FANCB: variants seen among roughly 807,000 people sequenced by gnomAD.
The protein encoded by FANCB is Fanconi anemia group B protein.
A neutral mutation model predicts 38.9 loss-of-function variants in FANCB; 5 were observed. The ratio of observed to expected loss-of-function variants is 0.13; its 90% confidence interval spans 0.07 to 0.27. FANCB has a LOEUF of 0.27. Among genes scored for constraint, FANCB ranks in the 10% least tolerant of loss-of-function variants. The pLI, the probability that FANCB is intolerant of heterozygous loss-of-function variation, is 1.00. For missense variants in FANCB, 573 were observed against 602.7 expected, an observed-to-expected ratio of 0.95 and a Z score of 0.52; for synonymous variants, 236 against 215.4, an observed-to-expected ratio of 1.10 and a Z score of -0.84.
At chrX:14,813,925 A>G in the FANCB span, among the ~76,000 whole-genome samples, 2 of 111,901 alleles carry the variant, frequency 1.8e-5, no homozygotes, top group African/African-American at 6.5e-5. Context: ...ACTTCAAACT[A>G]TACCACAAGG....
chrX:14,824,951 A>G, the FANCB span, among the ~76,000 whole-genome samples: 2 of 112,200 alleles, frequency 1.8e-5, no homozygotes, highest in Admixed American at 1.9e-4. Flanking sequence ...TTTGTCTGAA[A>G]ATGTCTTTAT....
rs1173320448 is a variant in FANCB, at chrX:14,849,756, C to T, written c.1496+749G>A. On this transcript the variant is annotated intron_variant, in intron 7 of 9. Transcript: ENST00000650831. ...CTGTATGCTGTTTGATTATCTTCAC[C>T]GTGAGACTATAGCATCTTAATTTCA... Among the ~76,000 whole-genome samples the T allele has an allele frequency of 2.7e-5, 3 of 111,648 alleles. No homozygotes were observed. The East Asian group carries it at 8.4e-4, about 31-fold the overall frequency.
chrX:14,784,829 A>T, the FANCB span, among the ~76,000 whole-genome samples: 1 of 112,512 alleles, frequency 8.9e-6, no homozygotes. Context: ...AATACTATGC[A>T]GCCATATAAA....
At chrX:14,769,893 C>T in the FANCB span, among the ~76,000 whole-genome samples, 15 of 112,113 alleles carry the variant, frequency 1.3e-4, no homozygotes, top group Admixed American at 8.5e-4. Flanking sequence ...TTGATTTCTG[C>T]GTTAATTTCA....
the FANCB span, among the ~76,000 whole-genome samples, chrX:14,782,917 T>C: frequency 9.0e-6 from 1 of 111,480 alleles, no homozygotes; most frequent in Non-Finnish European, 1.9e-5. Flanking sequence ...ATGACCATGC[T>C]GCTGGTTTGC....
At chrX:14,872,059 A>G (rs980122407) in intron 1 of FANCB, among the ~76,000 whole-genome samples, 1 of 112,000 alleles carries the variant, frequency 8.9e-6, no homozygotes, top group Non-Finnish European at 1.9e-5. Flanking sequence ...GTAAAACTGT[A>G]AACATTTCAT....
At chrX:14,698,442 G>A in the FANCB span, among the ~76,000 whole-genome samples, 2 of 109,513 alleles carry the variant, frequency 1.8e-5, no homozygotes, top group African/African-American at 6.7e-5. Flanking sequence ...ACTTTGGGAG[G>A]CCGAGGTGGG....
chrX:14,710,827 A>G, the FANCB span, among the ~76,000 whole-genome samples: 1 of 111,949 alleles, frequency 8.9e-6, no homozygotes, highest in East Asian at 2.8e-4. Flanking sequence ...AGCAGTTTTT[A>G]CACACAGAGA....
the FANCB span, among the ~76,000 whole-genome samples, chrX:14,696,219 CGAGG>C: frequency 8.6e-4 from 30 of 34,914 alleles, no homozygotes; most frequent in Non-Finnish European, 1.4e-3. Flanking sequence ...AGGGAGAGTG[CGAGG>C]GAGGGAGGGA....
At chrX:14,813,714 T>C in the FANCB span, among the ~76,000 whole-genome samples, 1 of 111,697 alleles carries the variant, frequency 9.0e-6, no homozygotes, top group Admixed American at 9.5e-5. Flanking sequence ...TGCTCATGGA[T>C]AGGAAGAATC....
At chrX:14,823,891 C>T in the FANCB span, among the ~76,000 whole-genome samples, 1 of 110,845 alleles carries the variant, frequency 9.0e-6, no homozygotes, top group East Asian at 2.8e-4. Context: ...ATGCTGGACC[C>T]CTACACACTC....
chrX:14,808,090 G>T, the FANCB span, among the ~76,000 whole-genome samples: 4 of 111,667 alleles, frequency 3.6e-5, no homozygotes, highest in Admixed American at 9.5e-5. Context: ...TCCCAGTAAA[G>T]AAAGCCCAAG....
At chrX:14,721,052 C>T in the FANCB span, among the ~76,000 whole-genome samples, 1 of 104,919 alleles carries the variant, frequency 9.5e-6, no homozygotes, top group Non-Finnish European at 1.9e-5. Flanking sequence ...TCTGGGTAGT[C>T]GAGGCTGCAG....
the FANCB span, among the ~76,000 whole-genome samples, chrX:14,691,328 C>CGT: frequency 1.0e-5 from 1 of 100,076 alleles, no homozygotes; most frequent in Admixed American, 1.1e-4. Flanking sequence ...TGTGTGTGCG[C>CGT]GCGTGCGTGC....
chrX:14,846,489 A>G (rs184185031), intron 7 of FANCB, among the ~76,000 whole-genome samples: 8 of 112,028 alleles, frequency 7.1e-5, no homozygotes, highest in African/African-American at 2.6e-4. Flanking sequence ...TATTCCAGCT[A>G]ATAAATAAAG....
chrX:14,797,419 C>A, the FANCB span, among the ~76,000 whole-genome samples: 1 of 112,252 alleles, frequency 8.9e-6, no homozygotes, highest in African/African-American at 3.2e-5. Flanking sequence ...ACATGGCTCA[C>A]GCCTGTAATC....
chrX:14,719,406 A>G, the FANCB span, among the ~76,000 whole-genome samples: 1 of 112,207 alleles, frequency 8.9e-6, no homozygotes, highest in Non-Finnish European at 1.9e-5. Context: ...CTGAATAGAC[A>G]TTTCTCAAAA....
downstream of FANCB, among the ~76,000 whole-genome samples, chrX:14,842,567 A>G (rs2092358277): frequency 8.9e-6 from 1 of 111,951 alleles, no homozygotes; most frequent in Non-Finnish European, 1.9e-5. Flanking sequence ...TATTTTTCAA[A>G]GAAAAGACTA....
At chrX:14,802,253 T>C in the FANCB span, among the ~76,000 whole-genome samples, 1 of 111,192 alleles carries the variant, frequency 9.0e-6, no homozygotes, top group South Asian at 3.8e-4. Flanking sequence ...GAAAAAAATA[T>C]ATATGCAGGG....
Sources: gnomAD v4.1 joint callset for allele counts (sites outside exome capture counted in the v4.1 genomes callset) on GRCh38, gnomAD v4.1.1 for gene constraint, MANE v1.5 for transcripts, NCBI Gene and HGNC (gene_info 2026-07-23, HGNC 2026-07-21) for gene names.